Variants in RBMS2 observed in about 807,000 individuals in gnomAD.
RBMS2 encodes the protein RNA binding motif single stranded interacting protein 2, also known as RNA-binding motif, single-stranded-interacting protein 2.
In RBMS2, 38 loss-of-function variants were observed where a neutral mutation model predicts 58.4. The observed-to-expected ratio is 0.65, with a 90% CI of 0.50 to 0.85. The LOEUF is 0.85. Ranked by LOEUF, RBMS2 falls within the 40% of genes least tolerant of loss-of-function variation. RBMS2 has a pLI of 0.00. For synonymous variants in RBMS2, 151 were observed against 180.7 expected (o/e 0.84, Z 1.32); for missense variants, 367 against 503.7 (o/e 0.73, Z 2.60).
At chr12:56,569,289 T>C (rs1164723383) in intron 3 of RBMS2, among the ~76,000 whole-genome samples, 1 of 152,242 alleles carries the variant, frequency 6.6e-6, no homozygotes, top group Non-Finnish European at 1.5e-5. Context: ...TTGGACTTTG[T>C]ATTTCCCTGG....
At position 56,581,405 on chromosome 12, in the gene RBMS2, C is replaced by T; in HGVS notation, c.629C>T (p.Ser210Phe). Reference protein sequence around the residue: ...IKTPPGVPAPSDPLLCKFADG... With the variant: ...IKTPPGVPAPFDPLLCKFADG... Reference sequence around the variant, plus strand: ...CTGCCTTCTCTCTCGGCAGCCCCATCCGATCCCTTGCTTTGCAAATTTGCT... The same window carrying T: ...CTGCCTTCTCTCTCGGCAGCCCCATTCGATCCCTTGCTTTGCAAATTTGCT... The change falls in exon 7 of 14, where the codon TCC becomes TTC. Residue 210 changes from serine to phenylalanine, a missense_variant. By Grantham distance (155) the Ser-to-Phe change is radical. Coordinates refer to ENST00000262031, the MANE Select transcript of RBMS2 (RefSeq NM_002898.4). 6.2e-7 allele frequency: 1 copy of T among 1,614,192 alleles called. No homozygotes were observed. Among genetic ancestry groups the T allele is most frequent in the South Asian group, 1.1e-5 (1 of 91,082 alleles).
At chr12:56,530,038 T>C (rs867846739) in intron 1 of RBMS2, among the ~76,000 whole-genome samples, 4 of 152,094 alleles carry the variant, frequency 2.6e-5, no homozygotes, top group African/African-American at 9.7e-5. Flanking sequence ...GCCTCCCAAG[T>C]AGCTGGGATT....
At chr12:56,586,542 G>A (rs1565783666) in intron 9 of RBMS2, among the ~76,000 whole-genome samples, 1 of 151,302 alleles carries the variant, frequency 6.6e-6, no homozygotes, top group Non-Finnish European at 1.5e-5. Context: ...TTCTTAGAGA[G>A]ATATCTTTCC....
chr12:56,532,353 A>G (rs949455675), intron 1 of RBMS2, among the ~76,000 whole-genome samples: 3 of 151,562 alleles, frequency 2.0e-5, no homozygotes, highest in Non-Finnish European at 2.9e-5. Flanking sequence ...AACCAGCCTG[A>G]CCAACATGGT....
chr12:56,539,156 C>T (rs1875595848), intron 1 of RBMS2, among the ~76,000 whole-genome samples: 1 of 151,946 alleles, frequency 6.6e-6, no homozygotes. Flanking sequence ...GCTGGGATTA[C>T]ACGTGCACAC....
chr12:56,546,710 C>G (rs1346679679), intron 1 of RBMS2, among the ~76,000 whole-genome samples: 1 of 151,908 alleles, frequency 6.6e-6, no homozygotes. Context: ...CTCAAATGAT[C>G]CGACTGCCTC....
At chr12:56,556,912 G>C (rs1464892686) in intron 1 of RBMS2, among the ~76,000 whole-genome samples, 1 of 152,048 alleles carries the variant, frequency 6.6e-6, no homozygotes, top group African/African-American at 2.4e-5. Flanking sequence ...TTCAAAGATA[G>C]GCAACTCAGA....
chr12:56,585,651 A>G (rs564123926), intron 9 of RBMS2, among the ~76,000 whole-genome samples: 31 of 152,288 alleles, frequency 2.0e-4, no homozygotes, highest in African/African-American at 7.5e-4. Flanking sequence ...TCATCATTTA[A>G]GTTGTTTCCT....
chr12:56,532,387 A>G (rs551130062), intron 1 of RBMS2, among the ~76,000 whole-genome samples: 3 of 152,146 alleles, frequency 2.0e-5, no homozygotes, highest in Admixed American at 2.0e-4. Context: ...TACTAAAAAT[A>G]CAAAATTAGC....
intron 3 of RBMS2, 23 bp from the exon 4 acceptor site, chr12:56,569,876 T>C: frequency 6.3e-7 from 1 of 1,584,822 alleles, no homozygotes; most frequent in Middle Eastern, 1.7e-4. Flanking sequence ...CACTTCCTAG[T>C]GATGCTGTTT....
At chr12:56,532,036 C>T (rs533012079) in intron 1 of RBMS2, among the ~76,000 whole-genome samples, 1 of 151,084 alleles carries the variant, frequency 6.6e-6, no homozygotes, top group South Asian at 2.1e-4. Context: ...GTCTGGCCAA[C>T]GTGGTAACCC....
intron 1 of RBMS2, among the ~76,000 whole-genome samples, chr12:56,555,445 A>C (rs1194817336): frequency 3.3e-5 from 5 of 151,506 alleles, no homozygotes; most frequent in Admixed American, 1.3e-4. Context: ...GGTCTCAAAA[A>C]AAAAAAAAAA....
intron 9 of RBMS2, among the ~76,000 whole-genome samples, chr12:56,582,564 A>G (rs1190281219): frequency 4.6e-5 from 7 of 152,236 alleles, no homozygotes; most frequent in African/African-American, 1.7e-4. Flanking sequence ...AACAAGCAGC[A>G]TCAGCATCAT....
intron 12 of RBMS2, chr12:56,588,728 G>A (rs942694348): frequency 4.9e-6 from 3 of 616,222 alleles, no homozygotes; most frequent in Admixed American, 5.9e-5. Context: ...ATGCTGGCTT[G>A]TATTGACTAA....
rs1289613292 is a variant in RBMS2 at position 56,593,419 on chromosome 12, A to G, written c.*4286A>G. The G allele has an allele frequency of 6.6e-6, 1 of 152,120 alleles. No homozygotes were observed. Among genetic ancestry groups the G allele is most frequent in the Non-Finnish European group, 1.5e-5 (1 of 68,080 alleles). 9.4% of individuals were successfully genotyped at this position (152,120 alleles called of 1,614,324 possible). On this transcript the variant is annotated 3_prime_UTR_variant, in exon 14 of 14. Coordinates refer to ENST00000262031, the MANE Select transcript of RBMS2 (RefSeq NM_002898.4). ...CAGCTAATTTTTGTATTTTTAATAG[A>G]GACAGGTTTTCGCCATGTTGCCCAG...
At chr12:56,543,825 G>A (rs796707315) in intron 1 of RBMS2, among the ~76,000 whole-genome samples, 16 of 150,686 alleles carry the variant, frequency 1.1e-4, no homozygotes, top group African/African-American at 2.9e-4. Flanking sequence ...GCGCCACCAC[G>A]CCTGGCTAAT....
At chr12:56,570,955 A>G (rs1166230880) in intron 4 of RBMS2, among the ~76,000 whole-genome samples, 1 of 152,212 alleles carries the variant, frequency 6.6e-6, no homozygotes, top group Non-Finnish European at 1.5e-5. Flanking sequence ...CCTTTTCTGT[A>G]ATGGTTAAAG....
chr12:56,528,098 A>G (rs1267415739), intron 1 of RBMS2: 3 of 151,952 alleles, frequency 2.0e-5, no homozygotes, highest in Non-Finnish European at 2.9e-5. Context: ...AAGATACAAA[A>G]ATTAGCCACA....
chr12:56,588,630 C>CT, intron 12 of RBMS2: 1 of 576,422 alleles, frequency 1.7e-6, no homozygotes. Context: ...AAAAAAAAAA[C>CT]AACAGCAGAT....
Sources: gnomAD v4.1 joint callset for allele counts (sites outside exome capture counted in the v4.1 genomes callset) on GRCh38, gnomAD v4.1.1 for gene constraint, MANE v1.5 for transcripts, NCBI Gene and HGNC (gene_info 2026-07-23, HGNC 2026-07-21) for gene names.